Variants in RNLS observed in about 807,000 individuals in gnomAD.
RNLS encodes the protein renalase.
A neutral mutation model predicts 39.8 loss-of-function variants in RNLS; 39 were observed. The ratio of observed to expected loss-of-function variants is 0.98; its 90% CI spans 0.76 to 1.28. The LOEUF (loss-of-function observed/expected upper bound fraction) is 1.28. Ranked by LOEUF, RNLS falls within the 50% of genes most tolerant of loss-of-function variation. RNLS has a pLI of 0.00. For missense variants in RNLS, 410 were observed against 413.3 expected (o/e 0.99, Z 0.07); for synonymous variants, 147 against 150.7 (o/e 0.98, Z 0.18).
At chr10:88,512,846 C>T (rs913702412) in intron 4 of RNLS, among the ~76,000 whole-genome samples, 2 of 152,136 alleles carry the variant, frequency 1.3e-5, no homozygotes, top group African/African-American at 4.8e-5. Context: ...AAAGTTACAC[C>T]TACGTTTCAA....
intron 4 of RNLS, among the ~76,000 whole-genome samples, chr10:88,461,204 C>T (rs148763209): frequency 5.6e-4 from 85 of 152,166 alleles, no homozygotes; most frequent in African/African-American, 2.0e-3. Context: ...AAGTTATGTC[C>T]TCAAGGCTCA....
the RNLS span, among the ~76,000 whole-genome samples, chr10:88,174,586 C>T: frequency 3.9e-4 from 60 of 152,192 alleles, no homozygotes; most frequent in Admixed American, 9.8e-4. Flanking sequence ...GTTGGACCAT[C>T]CTTGCATTCC....
intron 4 of RNLS, among the ~76,000 whole-genome samples, chr10:88,386,999 G>A (rs911653331): frequency 6.6e-6 from 1 of 152,200 alleles, no homozygotes; most frequent in Non-Finnish European, 1.5e-5. Context: ...AATAAAAAGT[G>A]ATCTGTACAC....
At chr10:88,317,365 A>G (rs1278039866) in intron 5 of RNLS, among the ~76,000 whole-genome samples, 3 of 152,208 alleles carry the variant, frequency 2.0e-5, no homozygotes, top group African/African-American at 7.2e-5. Context: ...TCCTTCAAAC[A>G]TAAAGTGCTA....
chr10:88,190,554 G>A, the RNLS span, among the ~76,000 whole-genome samples: 5 of 152,178 alleles, frequency 3.3e-5, no homozygotes, highest in Admixed American at 1.3e-4. Flanking sequence ...GAACCCACAT[G>A]TAATAAAATG....
intron 4 of RNLS, among the ~76,000 whole-genome samples, chr10:88,502,538 A>G (rs1194426837): frequency 6.6e-6 from 1 of 152,140 alleles, no homozygotes; most frequent in Admixed American, 6.6e-5. Context: ...CCCTCACCAG[A>G]TGTAGCTGCC....
At chr10:88,266,738 CCA>C in the RNLS span, among the ~76,000 whole-genome samples, 5 of 147,402 alleles carry the variant, frequency 3.4e-5, no homozygotes, top group South Asian at 2.2e-4. Context: ...CACACACACC[CCA>C]CACACACCAC....
At chr10:88,207,492 A>T in the RNLS span, among the ~76,000 whole-genome samples, 53 of 152,204 alleles carry the variant, frequency 3.5e-4, no homozygotes, top group Admixed American at 5.2e-4. Context: ...CTACACAGGT[A>T]CTAGAATAGT....
intron 4 of RNLS, among the ~76,000 whole-genome samples, chr10:88,498,692 A>T (rs1403252908): frequency 6.6e-6 from 1 of 151,902 alleles, no homozygotes; most frequent in East Asian, 1.9e-4. Context: ...GAAGGCACAC[A>T]ATGGAGTATA....
At chr10:88,491,442 A>G (rs559167906) in intron 4 of RNLS, among the ~76,000 whole-genome samples, 2 of 152,120 alleles carry the variant, frequency 1.3e-5, no homozygotes, top group Non-Finnish European at 2.9e-5. Flanking sequence ...CTTGCTTTTC[A>G]GGAAGTTATA....
downstream of RNLS, among the ~76,000 whole-genome samples, chr10:88,279,185 C>G (rs1040701830): frequency 6.6e-6 from 1 of 152,106 alleles, no homozygotes; most frequent in South Asian, 2.1e-4. Flanking sequence ...AGAGGCCTAC[C>G]TTAAGGTGGC....
intron 4 of RNLS, among the ~76,000 whole-genome samples, chr10:88,375,573 T>C (rs1850923619): frequency 6.6e-6 from 1 of 152,184 alleles, no homozygotes; most frequent in African/African-American, 2.4e-5. Flanking sequence ...CATTCCTAAT[T>C]GGAAACAATC....
intron 5 of RNLS, among the ~76,000 whole-genome samples, chr10:88,346,531 A>G (rs1163571158): frequency 6.6e-6 from 1 of 152,172 alleles, no homozygotes; most frequent in Non-Finnish European, 1.5e-5. Flanking sequence ...ATTTTATGTG[A>G]TTTAAAGGGT....
At chr10:88,529,413 T>TA (rs1469298067) in intron 4 of RNLS, among the ~76,000 whole-genome samples, 5 of 152,224 alleles carry the variant, frequency 3.3e-5, no homozygotes, top group African/African-American at 1.2e-4. Context: ...CAACATGCTA[T>TA]ATCAGTAACA....
At chr10:88,188,806 A>C in the RNLS span, among the ~76,000 whole-genome samples, 895 of 152,316 alleles carry the variant, frequency 5.9e-3, 5 homozygotes, top group Middle Eastern at 0.061. Context: ...AATATTTTAG[A>C]ATTCATTGTT....
chr10:88,549,989 C>G (rs1403898734), intron 4 of RNLS, among the ~76,000 whole-genome samples: 2 of 152,166 alleles, frequency 1.3e-5, no homozygotes, highest in Non-Finnish European at 2.9e-5. Context: ...TCTTCCAAGA[C>G]AACACCCACA....
chr10:88,580,958 T>C (rs1850499158), intron 3 of RNLS, among the ~76,000 whole-genome samples: 1 of 152,166 alleles, frequency 6.6e-6, no homozygotes, highest in Admixed American at 6.5e-5. Flanking sequence ...TAGCTATTCT[T>C]CTGTGAGGAA....
At chr10:88,515,247 T>C (rs1390470918) in intron 4 of RNLS, among the ~76,000 whole-genome samples, 1 of 152,098 alleles carries the variant, frequency 6.6e-6, no homozygotes, top group Non-Finnish European at 1.5e-5. Context: ...AGCATAAATT[T>C]ATTTTTATAT....
intron 6 of RNLS, among the ~76,000 whole-genome samples, chr10:88,299,914 A>G (rs1321612884): frequency 6.6e-6 from 1 of 152,230 alleles, no homozygotes; most frequent in African/African-American, 2.4e-5. Context: ...TGAGGATCAA[A>G]TGAAAACAAG....
Sources: gnomAD v4.1 joint callset for allele counts (sites outside exome capture counted in the v4.1 genomes callset) on GRCh38, gnomAD v4.1.1 for gene constraint, MANE v1.5 for transcripts, NCBI Gene and HGNC (gene_info 2026-07-23, HGNC 2026-07-21) for gene names.